AGBL4: variants seen among roughly 807,000 people sequenced by gnomAD.
AGBL4 encodes AGBL carboxypeptidase 4, also known as cytosolic carboxypeptidase 6.
In AGBL4, 58 loss-of-function variants were observed where a neutral mutation model predicts 66.4. The ratio of observed to expected loss-of-function variants is 0.87; its 90% CI spans 0.71 to 1.09. The LOEUF is 1.09. AGBL4 is among the 50% of genes least tolerant of loss of function. The pLI is 0.00. For synonymous variants in AGBL4, 234 were observed against 222.9 expected (o/e 1.05, Z -0.44); for missense variants, 579 against 631.0 (o/e 0.92, Z 0.88).
chr1:49,906,331 T>G (rs1421998695), intron 1 of AGBL4, among the ~76,000 whole-genome samples: 1 of 151,904 alleles, frequency 6.6e-6, no homozygotes, highest in Non-Finnish European at 1.5e-5. Context: ...GCTAAAAGAG[T>G]TCACCGTACC....
At chr1:48,558,026 C>A (rs1644346029) in intron 11 of AGBL4, among the ~76,000 whole-genome samples, 1 of 152,186 alleles carries the variant, frequency 6.6e-6, no homozygotes, top group African/African-American at 2.4e-5. Flanking sequence ...AAATAAATAA[C>A]CCTTAGATAA....
At chr1:48,575,996 C>G (rs1644647640) in intron 11 of AGBL4, among the ~76,000 whole-genome samples, 1 of 152,230 alleles carries the variant, frequency 6.6e-6, no homozygotes, top group Non-Finnish European at 1.5e-5. Context: ...CTATCTCCCA[C>G]TGGCTCTTGT....
intron 3 of AGBL4, among the ~76,000 whole-genome samples, chr1:49,493,931 G>T (rs940241893): frequency 1.3e-5 from 2 of 151,902 alleles, no homozygotes; most frequent in African/African-American, 4.8e-5. Flanking sequence ...ATTTTAAAAG[G>T]TGTGGGAGTA....
Position 49,154,266 on chromosome 1 carries a change from TCTC to T in AGBL4, c.377+91501_377+91503del, listed in dbSNP as rs946182462. ...TTAACCTTTCTTGGTCTCAGTGTCT[TCTC>T]CTGGAAAACAGGGAAAGTAACAGTA... On this transcript the variant is annotated intron_variant, in intron 4 of 13. Transcript: ENST00000371839. Among the ~76,000 whole-genome samples the T allele has an allele frequency of 6.6e-5, 10 of 152,050 alleles. No homozygotes were observed. The South Asian group carries it at 1.5e-3, about 22-fold the overall frequency.
chr1:49,221,973 G>A (rs759987660), intron 4 of AGBL4, among the ~76,000 whole-genome samples: 1 of 152,120 alleles, frequency 6.6e-6, no homozygotes, highest in Non-Finnish European at 1.5e-5. Context: ...TTCAGGGTTA[G>A]CAGGCAAGAT....
At chr1:48,812,688 C>T (rs999630548) in intron 6 of AGBL4, among the ~76,000 whole-genome samples, 1 of 151,880 alleles carries the variant, frequency 6.6e-6, no homozygotes, top group Admixed American at 6.6e-5. Flanking sequence ...CTATTCACAA[C>T]AGCAAAGACT....
chr1:49,444,219 A>G (rs1025196188), intron 3 of AGBL4, among the ~76,000 whole-genome samples: 2 of 152,054 alleles, frequency 1.3e-5, no homozygotes, highest in East Asian at 3.9e-4. Context: ...GTTGAAAAAA[A>G]TAATGTATAT....
intron 2 of AGBL4, among the ~76,000 whole-genome samples, chr1:49,809,664 T>C (rs1645055121): frequency 6.6e-6 from 1 of 152,322 alleles, no homozygotes; most frequent in East Asian, 1.9e-4. Flanking sequence ...CTCATGTTAA[T>C]TGTTCTTACC....
intron 10 of AGBL4, among the ~76,000 whole-genome samples, chr1:48,588,602 T>C (rs567442912): frequency 6.6e-6 from 1 of 151,174 alleles, no homozygotes; most frequent in African/African-American, 2.4e-5. Context: ...GGAAAAGAGA[T>C]AAAGTAAACA....
intron 6 of AGBL4, among the ~76,000 whole-genome samples, chr1:48,819,776 G>T (rs193035341): frequency 2.0e-5 from 3 of 152,340 alleles, no homozygotes; most frequent in African/African-American, 7.2e-5. Context: ...ATCCACCAAT[G>T]TATGGTGTTT....
intron 6 of AGBL4, among the ~76,000 whole-genome samples, chr1:48,842,685 T>C (rs1646831710): frequency 6.6e-6 from 1 of 152,188 alleles, no homozygotes; most frequent in Admixed American, 6.5e-5. Flanking sequence ...TCAAAAAGAC[T>C]GAAAGCAAGG....
intron 11 of AGBL4, among the ~76,000 whole-genome samples, chr1:48,542,176 CT>C (rs1644084041): frequency 6.6e-6 from 1 of 152,162 alleles, no homozygotes; most frequent in South Asian, 2.1e-4. Flanking sequence ...TGAACTCATT[CT>C]TTTTTATGGC....
At chr1:49,663,095 C>T (rs1447125047) in intron 3 of AGBL4, among the ~76,000 whole-genome samples, 2 of 152,086 alleles carry the variant, frequency 1.3e-5, no homozygotes, top group African/African-American at 4.8e-5. Context: ...GAGAAAATCA[C>T]TCTTAAAACA....
At chr1:49,296,035 C>T (rs1026490117) in intron 3 of AGBL4, among the ~76,000 whole-genome samples, 20 of 151,964 alleles carry the variant, frequency 1.3e-4, no homozygotes, top group Non-Finnish European at 2.4e-4. Flanking sequence ...AGAGTAATTG[C>T]GTATTATTGA....
intron 4 of AGBL4, among the ~76,000 whole-genome samples, chr1:49,240,441 C>A (rs1252718945): frequency 1.3e-5 from 2 of 152,090 alleles, no homozygotes; most frequent in Non-Finnish European, 2.9e-5. Context: ...TCAAGACCTC[C>A]ATGTCACTAC....
At chr1:48,665,856 C>T (rs972197260) in intron 6 of AGBL4, among the ~76,000 whole-genome samples, 1 of 152,212 alleles carries the variant, frequency 6.6e-6, no homozygotes, top group African/African-American at 2.4e-5. Context: ...ATAAATGGCA[C>T]TAAGGAGGCC....
chr1:50,022,809 C>T (rs538722860), intron 1 of AGBL4, among the ~76,000 whole-genome samples: 2 of 152,122 alleles, frequency 1.3e-5, no homozygotes, highest in Non-Finnish European at 2.9e-5. Context: ...CATGCCATCC[C>T]GTAACATCCA....
chr1:48,666,082 A>G (rs1966247), intron 6 of AGBL4, among the ~76,000 whole-genome samples: 74,982 of 152,146 alleles, frequency 0.49, 19,843 homozygotes, highest in Middle Eastern at 0.65. Context: ...CAGGCAGGTA[A>G]CAAATTGCTT....
chr1:48,813,469 G>A (rs912913156), intron 6 of AGBL4, among the ~76,000 whole-genome samples: 8 of 152,202 alleles, frequency 5.3e-5, no homozygotes, highest in African/African-American at 1.9e-4. Context: ...TGGACTCTTG[G>A]TTGAGGTTCA....
Sources: allele counts gnomAD v4.1 joint callset (sites outside exome capture counted in the v4.1 genomes callset), GRCh38; gene constraint gnomAD v4.1.1; transcripts MANE v1.5; gene names NCBI Gene and HGNC (gene_info 2026-07-23, HGNC 2026-07-21).